Variants in ATP7B observed in about 807,000 individuals in gnomAD.
ATP7B encodes the protein ATPase copper transporting beta.
Under a neutral mutation model 118.9 loss-of-function variants are expected in ATP7B, and 113 were observed. That is an observed-to-expected ratio of 0.95 (90% CI 0.82 to 1.11). The LOEUF is 1.11. Ranked by LOEUF, ATP7B falls within the 50% of genes most tolerant of loss-of-function variation. ATP7B has a pLI of 0.00. For synonymous variants in ATP7B, 777 were observed against 727.4 expected (o/e 1.07, Z -1.10); for missense variants, 1,867 against 1,871.4 (o/e 1.00, Z 0.04).
rs144518699 is a variant in ATP7B, at chr13:51,937,169, C to T, written c.4021+107G>A. On this transcript the variant is annotated intron_variant, in intron 19 of 20. Transcript: ENST00000242839. ...AAAAAAAAAAACAGCCTTTCTAAAACGCCTCTAGCCAGCCAGTGAGTGAGC... is the reference window on the plus strand; with the variant it reads ...AAAAAAAAAAACAGCCTTTCTAAAATGCCTCTAGCCAGCCAGTGAGTGAGC... The T allele has an allele frequency of 1.2e-3, 1,252 of 1,016,382 alleles. 10 individuals are homozygous for T. The African/African-American group carries it at 0.013, about 11-fold the overall frequency. 63.0% of individuals were successfully genotyped at this position (1,016,382 alleles called of 1,614,324 possible).
intron 9 of ATP7B, among the ~76,000 whole-genome samples, chr13:51,955,016 G>A (rs9535806): frequency 0.033 from 5,078 of 152,296 alleles, 136 homozygotes; most frequent in South Asian, 0.05. Context: ...AAACTACAGT[G>A]TGCCAGACGG....
intron 15 of ATP7B, among the ~76,000 whole-genome samples, chr13:51,941,758 T>C (rs1179012651): frequency 1.3e-5 from 2 of 152,150 alleles, no homozygotes; most frequent in South Asian, 2.1e-4. Flanking sequence ...CTCTGGAAGC[T>C]CTCATGGAAA....
In ATP7B at chr13:51,953,568, G is replaced by A. The variant is rs1242397183; in HGVS notation, c.2448-3169C>T. ...TTACAAGGAATAGTCCTTTATGAGG[G>A]TTAATGTGGCTCCTACTGGTGAATC... is the stretch of plus-strand genomic sequence containing the variant. On this transcript the variant is annotated intron_variant, in intron 9 of 20. Coordinates refer to ENST00000242839, the MANE Select transcript of ATP7B (RefSeq NM_000053.4). Among the ~76,000 whole-genome samples, 4 of 152,112 alleles carry A rather than the reference G, an allele frequency of 2.6e-5. No homozygotes were observed. In the South Asian group the frequency reaches 8.3e-4, roughly 32 times the overall value.
chr13:51,976,990 T>C (rs1162168366), intron 1 of ATP7B, among the ~76,000 whole-genome samples: 1 of 152,186 alleles, frequency 6.6e-6, no homozygotes, highest in Non-Finnish European at 1.5e-5. Flanking sequence ...TTATAAAAAA[T>C]AGTTTTATTT....
In ATP7B at chr13:51,934,999, C is replaced by T; in HGVS notation, c.4155G>A (p.Glu1385=). 6.2e-7 allele frequency: 1 copy of T among 1,614,058 alleles called. No homozygotes were observed. The change falls in exon 21 of 21, where the codon GAG becomes GAA. Residue 1385 remains glutamate, a synonymous_variant. Transcript: ENST00000242839. ...GCTTCATGTGGCCATGCGCCTGTGC[C>T]TCATACCTCTCCAGGTCAGGCTTCT... is the stretch of plus-strand genomic sequence containing the variant. ...CYKKPDLERY[E]AQAHGHMKPL... is the part of the protein sequence containing the mutation.
chr13:51,977,346 A>C (rs1452286494), intron 1 of ATP7B, among the ~76,000 whole-genome samples: 1 of 152,046 alleles, frequency 6.6e-6, no homozygotes, highest in Non-Finnish European at 1.5e-5. Flanking sequence ...AGCTTTTAAA[A>C]TTTTTTTATT....
At chr13:52,006,462 T>C (rs191110748) in intron 1 of ATP7B, among the ~76,000 whole-genome samples, 1 of 152,382 alleles carries the variant, frequency 6.6e-6, no homozygotes, top group East Asian at 1.9e-4. Flanking sequence ...GTTTCTCTAC[T>C]GAGAAGACAA....
intron 12 of ATP7B, among the ~76,000 whole-genome samples, chr13:51,948,758 C>T (rs1393705360): frequency 1.3e-5 from 2 of 152,200 alleles, no homozygotes; most frequent in African/African-American, 2.4e-5. Flanking sequence ...CTGTATTTTC[C>T]TTTCTTTTTC....
Position 51,949,739 on chromosome 13 carries a change from T to G in ATP7B, c.2788A>C (p.Ile930Leu). The change falls in exon 12 of 21, where the codon ATC becomes CTC. Residue 930 changes from isoleucine to leucine, a missense_variant. Physicochemically the swap from Ile to Leu is conservative, Grantham distance 5 (BLOSUM62 2). Coordinates refer to ENST00000242839, the MANE Select transcript of ATP7B (RefSeq NM_000053.4). ...ACCACCAACGTCAAAGTTGACATGA[T>G]GATGATAAATGGGACAAAATATCCA... ...FSGYFVPFII[I>L]MSTLTLVVWI... is the part of the protein sequence containing the mutation. 2 of 1,614,108 alleles carry G rather than the reference T, an allele frequency of 1.2e-6. No homozygotes were observed. The highest frequency in any genetic ancestry group is 1.7e-6 in the Non-Finnish European group (2 of 1,180,034).
intron 5 of ATP7B, among the ~76,000 whole-genome samples, chr13:51,963,962 G>A (rs1958925365): frequency 6.7e-6 from 1 of 149,218 alleles, no homozygotes; most frequent in Admixed American, 6.7e-5. Flanking sequence ...TAAGGTAGGA[G>A]AATCTCTTGA....
intron 1 of ATP7B, among the ~76,000 whole-genome samples, chr13:51,989,764 T>C (rs1205117313): frequency 2.6e-5 from 4 of 152,218 alleles, no homozygotes; most frequent in Non-Finnish European, 4.4e-5. Context: ...CTGCTTTTAA[T>C]TTATGTCTAT....
At chr13:51,978,049 G>A (rs554152527) in intron 1 of ATP7B, among the ~76,000 whole-genome samples, 7 of 152,088 alleles carry the variant, frequency 4.6e-5, no homozygotes, top group Non-Finnish European at 1.0e-4. Context: ...AGAAAACACA[G>A]GAGAATATCT....
chr13:51,935,612 A>G lies in ATP7B; in HGVS notation c.4105T>C (p.Ser1369Pro). 6.2e-7 allele frequency: 1 copy of G among 1,613,666 alleles called. No individual in the cohort carries two copies. Among genetic ancestry groups the G allele is most frequent in the Non-Finnish European group, 8.5e-7 (1 of 1,179,886 alleles). Reference protein sequence around the residue: ...MAASSVSVVLSSLQLKCYKKP... With the variant: ...MAASSVSVVLPSLQLKCYKKP... ...ACTCACCACTTGAGCTGCAGGGATG[A>G]GAGCACCACAGACACAGAGGAGGCT... The change falls in exon 20 of 21, where the codon TCA becomes CCA. Residue 1369 changes from serine to proline, a missense_variant. Ser to Pro is a moderately conservative substitution (Grantham distance 74). Coordinates refer to ENST00000242839, the MANE Select transcript of ATP7B (RefSeq NM_000053.4).
intron 6 of ATP7B, 39 bp from the exon 7 acceptor site, chr13:51,960,361 T>C (rs372592770): frequency 5.4e-5 from 87 of 1,601,272 alleles, no homozygotes; most frequent in Non-Finnish European, 6.7e-5. Flanking sequence ...TATCAGATGC[T>C]GCTTGTCACC....
At chr13:51,967,471 T>C (rs1951620070) in intron 4 of ATP7B, among the ~76,000 whole-genome samples, 1 of 152,218 alleles carries the variant, frequency 6.6e-6, no homozygotes, top group Non-Finnish European at 1.5e-5. Context: ...CACATGTAGA[T>C]CCAGAGGTTT....
At chr13:51,998,212 G>A (rs906907167) in intron 1 of ATP7B, among the ~76,000 whole-genome samples, 1 of 152,108 alleles carries the variant, frequency 6.6e-6, no homozygotes, top group African/African-American at 2.4e-5. Flanking sequence ...TAACACTGCT[G>A]GAGGACAAGT....
intron 9 of ATP7B, among the ~76,000 whole-genome samples, chr13:51,952,662 T>G (rs1244620938): frequency 6.6e-6 from 1 of 152,224 alleles, no homozygotes; most frequent in East Asian, 1.9e-4. Flanking sequence ...TATATAAAAC[T>G]TAGTAACTAC....
chr13:51,978,831 T>A (rs1952255784), intron 1 of ATP7B: 1 of 152,226 alleles, frequency 6.6e-6, no homozygotes, highest in African/African-American at 2.4e-5. Context: ...ATTTTTCAAT[T>A]CGGACAGGGC....
intron 1 of ATP7B, among the ~76,000 whole-genome samples, chr13:52,007,207 G>C (rs556225918): frequency 2.0e-5 from 3 of 152,206 alleles, no homozygotes; most frequent in Admixed American, 6.5e-5. Flanking sequence ...AAGAAGCACA[G>C]AGTTGCAAAT....
Sources: gnomAD v4.1 joint callset for allele counts (sites outside exome capture counted in the v4.1 genomes callset) on GRCh38, gnomAD v4.1.1 for gene constraint, MANE v1.5 for transcripts, NCBI Gene and HGNC (gene_info 2026-07-23, HGNC 2026-07-21) for gene names.